The following ZNF506 variants were observed in gnomAD, a reference collection of about 807,000 sequenced individuals.
The protein encoded by ZNF506 is zinc finger protein 506.
A neutral mutation model predicts 11.6 loss-of-function variants in ZNF506; 10 were observed. The observed-to-expected ratio is 0.86, with a 90% CI of 0.53 to 1.46. The LOEUF is 1.46. Ranked by LOEUF, ZNF506 falls within the 40% of genes most tolerant of loss-of-function variation. The pLI, the probability that ZNF506 is intolerant of heterozygous loss-of-function variation, is 0.00. For missense variants in ZNF506, 425 were observed against 521.2 expected (o/e 0.82, Z 1.80); for synonymous variants, 156 against 173.3 (o/e 0.90, Z 0.78).
intron 3 of ZNF506, among the ~76,000 whole-genome samples, chr19:19,801,969 C>T (rs1216731921): frequency 6.6e-6 from 1 of 151,058 alleles, no homozygotes; most frequent in Non-Finnish European, 1.5e-5. Flanking sequence ...TATGGGAGGC[C>T]GAGGCGGGCA....
Position 19,821,597 on chromosome 19 carries a change from T to C in ZNF506, c.3+4A>G, listed in dbSNP as rs1173160398. On this transcript the variant is annotated splice_donor_region_variant and intron_variant, in intron 1 of 3. Transcript: ENST00000540806. ...CTCTCGGGATGTCGAACTGGCACTC[T>C]CACCATTTCTAGGCTTCCAGGGGGT... 6.2e-7 allele frequency: 1 copy of C among 1,614,002 alleles called. No homozygotes were observed. The highest frequency in any genetic ancestry group is 1.1e-5 in the South Asian group (1 of 91,068).
intron 1 of ZNF506, among the ~76,000 whole-genome samples, chr19:19,814,227 G>C (rs1001862501): frequency 6.6e-6 from 1 of 151,832 alleles, no homozygotes; most frequent in African/African-American, 2.4e-5. Flanking sequence ...TGACCAACAT[G>C]GAGAAACCCC....
intron 1 of ZNF506, among the ~76,000 whole-genome samples, chr19:19,809,481 T>C (rs1181844216): frequency 1.3e-5 from 2 of 152,192 alleles, no homozygotes; most frequent in Admixed American, 6.5e-5. Flanking sequence ...TCTTCCTCCT[T>C]CTTCTCTGGA....
At chr19:19,802,447 C>A (rs1374154800) in intron 3 of ZNF506, among the ~76,000 whole-genome samples, 2 of 151,534 alleles carry the variant, frequency 1.3e-5, no homozygotes, top group Non-Finnish European at 2.9e-5. Context: ...TTGCTATAAT[C>A]CAACTTTAGA....
intron 3 of ZNF506, 118 bp downstream of exon 3, chr19:19,805,913 C>A: frequency 1.1e-6 from 1 of 880,284 alleles, no homozygotes; most frequent in Non-Finnish European, 1.8e-6. Context: ...AAAAGCTGCC[C>A]AGGAACTATT....
At chr19:19,811,660 G>A (rs1011940310) in intron 1 of ZNF506, among the ~76,000 whole-genome samples, 2 of 152,050 alleles carry the variant, frequency 1.3e-5, no homozygotes, top group Non-Finnish European at 2.9e-5. Context: ...AAATTAGCCG[G>A]ATGCGATGGC....
chr19:19,808,108 C>CATTTTT (rs1331920456), intron 1 of ZNF506, among the ~76,000 whole-genome samples: 1 of 56,730 alleles, frequency 1.8e-5, no homozygotes, highest in Non-Finnish European at 3.0e-5. Flanking sequence ...TCATTAACCA[C>CATTTTT]TTTTTTTTTT....
chr19:19,800,003 T>C (rs987475798), intron 3 of ZNF506, among the ~76,000 whole-genome samples: 1 of 152,170 alleles, frequency 6.6e-6, no homozygotes, highest in African/African-American at 2.4e-5. Context: ...ATGCAGCACA[T>C]GTATTATATC....
At chr19:19,815,184 C>T (rs1457342820) in intron 1 of ZNF506, among the ~76,000 whole-genome samples, 2 of 152,118 alleles carry the variant, frequency 1.3e-5, no homozygotes, top group Non-Finnish European at 1.5e-5. Flanking sequence ...GGCGTGAACC[C>T]GGGAGGCGGA....
At chr19:19,806,778 TGAA>T (rs943557231) in intron 2 of ZNF506, among the ~76,000 whole-genome samples, 161 bp downstream of exon 2, 1 of 152,170 alleles carries the variant, frequency 6.6e-6, no homozygotes, top group African/African-American at 2.4e-5. Context: ...TGAAACATCA[TGAA>T]GAAATTCTTT....
At chr19:19,819,192 T>A (rs2062953127) in intron 1 of ZNF506, among the ~76,000 whole-genome samples, 1 of 152,076 alleles carries the variant, frequency 6.6e-6, no homozygotes, top group Non-Finnish European at 1.5e-5. Flanking sequence ...GGGGTCAGTT[T>A]TTTTTGTCTT....
At position 19,801,308 on chromosome 19, in the gene ZNF506, A is replaced by G. The variant is rs2062790870; in HGVS notation, c.226+4723T>C. On this transcript the variant is annotated intron_variant, in intron 3 of 3. Transcript: ENST00000540806. ...GAGTTCAAGATCAGCCTGACAAACA[A>G]ACATGGTGAAAACTCACCTCTACTA... Among the ~76,000 whole-genome samples, 6 of 152,130 alleles carry G rather than the reference A, an allele frequency of 3.9e-5. No individual in the cohort carries two copies. The South Asian group carries it at 1.0e-3, about 26-fold the overall frequency.
At chr19:19,811,614 C>A (rs2062883657) in intron 1 of ZNF506, among the ~76,000 whole-genome samples, 1 of 152,004 alleles carries the variant, frequency 6.6e-6, no homozygotes, top group Non-Finnish European at 1.5e-5. Context: ...CCAGCCTGAC[C>A]AAGATGGTGA....
At chr19:19,795,941 A>G (rs2062736776) in intron 3 of ZNF506, 1 of 390,400 alleles carries the variant, frequency 2.6e-6, no homozygotes, top group Non-Finnish European at 4.8e-6. Flanking sequence ...TCTGTTACTT[A>G]TACCCAACAC....
intron 3 of ZNF506, among the ~76,000 whole-genome samples, chr19:19,802,783 G>A (rs1257040277): frequency 6.6e-6 from 1 of 152,078 alleles, no homozygotes; most frequent in Non-Finnish European, 1.5e-5. Flanking sequence ...AAATGTATAG[G>A]GAGAGTGACC....
chr19:19,821,103 T>G (rs1414466115), intron 1 of ZNF506, among the ~76,000 whole-genome samples: 1 of 152,220 alleles, frequency 6.6e-6, no homozygotes, highest in East Asian at 1.9e-4. Flanking sequence ...TTTCCCCATT[T>G]TGGCCAGGCT....
chr19:19,814,435 A>AATAATAATG (rs953530421), intron 1 of ZNF506, among the ~76,000 whole-genome samples: 2 of 150,190 alleles, frequency 1.3e-5, no homozygotes, highest in African/African-American at 4.9e-5. Context: ...TAATAATAAT[A>AATAATAATG]ATGCAGAAAC....
rs751368531 is a variant in ZNF506 at position 19,794,505 on chromosome 19, G to C, written c.*47C>G. On this transcript the variant is annotated 3_prime_UTR_variant, in exon 4 of 4. Coordinates refer to ENST00000540806, the MANE Select transcript of ZNF506 (RefSeq NM_001099269.3). ...TAGTCAGAGTCCAGGGCTAGTTAAA[G>C]GCTTTCCCACATTCATCACATTCAT... 3.3e-6 allele frequency: 5 copies of C among 1,528,882 alleles called. No individual in the cohort carries two copies. Among genetic ancestry groups the C allele is most frequent in the Non-Finnish European group, 4.4e-6 (5 of 1,138,180 alleles). The allele number at this position is 1,528,882 out of a possible 1,614,324, so 94.7% of individuals were successfully genotyped here.
intron 1 of ZNF506, among the ~76,000 whole-genome samples, chr19:19,816,750 C>T (rs2062935523): frequency 6.6e-6 from 1 of 151,388 alleles, no homozygotes; most frequent in East Asian, 2.0e-4. Context: ...TCGGCCTCCA[C>T]AGGCTGAGTG....
Sources: gnomAD v4.1 joint callset for allele counts (sites outside exome capture counted in the v4.1 genomes callset) on GRCh38, gnomAD v4.1.1 for gene constraint, MANE v1.5 for transcripts, NCBI Gene and HGNC (gene_info 2026-07-23, HGNC 2026-07-21) for gene names.